CBLL1: variants seen among roughly 807,000 people sequenced by gnomAD.
CBLL1 encodes Cbl proto-oncogene like 1.
A neutral mutation model predicts 44.9 loss-of-function variants in CBLL1; 4 were observed. That is an observed-to-expected ratio of 0.09 (90% CI 0.04 to 0.20). The LOEUF (loss-of-function observed/expected upper bound fraction) is 0.20. CBLL1 is among the 10% of genes least tolerant of loss of function. The probability of loss-of-function intolerance (pLI) is 1.00; values close to 1 mark genes in which losing one functional copy is unlikely to be tolerated. For missense variants in CBLL1, 569 were observed against 636.7 expected (o/e 0.89, Z 1.14); for synonymous variants, 235 against 202.2 (o/e 1.16, Z -1.38).
At position 107,754,025 on chromosome 7, in the gene CBLL1, G is replaced by A. The variant is rs749156660; in HGVS notation, c.366+47G>A. 2.1e-5 allele frequency: 26 copies of A among 1,229,576 alleles called. No homozygotes were observed. The East Asian group carries it at 6.3e-4, about 30-fold the overall frequency. 76.2% of individuals were successfully genotyped at this position (1,229,576 alleles called of 1,614,324 possible). A position where few individuals can be genotyped will look rare whatever the true frequency, so the allele number is the denominator to read the frequency against. On this transcript the variant is annotated intron_variant, in intron 4 of 5. Coordinates refer to ENST00000440859, the MANE Select transcript of CBLL1 (RefSeq NM_024814.4). ...TTTTGTAAGTAAGCATTTGCATAGA[G>A]GTGGGGTTCTGAAATTTAGATAGGT...
Position 107,759,449 on chromosome 7 carries a change from T to C in CBLL1, c.*271T>C. ...TAGTAAATTGACCCAGAGGTGACCA[T>C]TTGTAAAAAATTTGAAAAAATTTTT... is the stretch of plus-strand genomic sequence containing the variant. On this transcript the variant is annotated 3_prime_UTR_variant, in exon 6 of 6. Coordinates refer to ENST00000440859, the MANE Select transcript of CBLL1 (RefSeq NM_024814.4). 1 of 304,440 alleles carries C rather than the reference T, an allele frequency of 3.3e-6. No homozygotes were observed. Among genetic ancestry groups the C allele is most frequent in the Non-Finnish European group, 6.0e-6 (1 of 165,580 alleles). 18.9% of individuals were successfully genotyped at this position (304,440 alleles called of 1,614,324 possible).
At chr7:107,753,823 G>T in intron 3 of CBLL1, 72 bp from the exon 4 acceptor site, 1 of 927,960 alleles carries the variant, frequency 1.1e-6, no homozygotes, top group South Asian at 1.9e-5. Flanking sequence ...ATAAAATATT[G>T]ACCAATTCAT....
At chr7:107,754,003 TGTAA>T (rs1229757111) in intron 4 of CBLL1, 25 bp downstream of exon 4, 1 of 1,446,548 alleles carries the variant, frequency 6.9e-7, no homozygotes, top group African/African-American at 1.4e-5. Flanking sequence ...ATATTGTTTT[TGTAA>T]GTAAGCATTT....
intron 2 of CBLL1, among the ~76,000 whole-genome samples, chr7:107,750,927 G>A (rs1359131489): frequency 6.6e-6 from 1 of 151,238 alleles, no homozygotes; most frequent in Non-Finnish European, 1.5e-5. Flanking sequence ...AAAGTTCACT[G>A]ATACTGCTTT....
chr7:107,746,374 G>A (rs368808063), intron 1 of CBLL1, among the ~76,000 whole-genome samples: 392 of 151,862 alleles, frequency 2.6e-3, no homozygotes, highest in African/African-American at 8.8e-3. Flanking sequence ...CCTCTCAGAT[G>A]TCCCTTCTGC....
At chr7:107,748,148 CA>C (rs753605081) in intron 1 of CBLL1, among the ~76,000 whole-genome samples, 1 of 152,106 alleles carries the variant, frequency 6.6e-6, no homozygotes, top group Non-Finnish European at 1.5e-5. Flanking sequence ...GCAAAGACTC[CA>C]GGGACTAGAA....
rs1793675841 is a variant in CBLL1, at chr7:107,759,396, A to G, written c.*218A>G. 9.6e-6 allele frequency: 4 copies of G among 415,136 alleles called. No individual in the cohort carries two copies. Among genetic ancestry groups the G allele is most frequent in the Middle Eastern group, 6.2e-4 (1 of 1,622 alleles). 25.7% of individuals were successfully genotyped at this position (415,136 alleles called of 1,614,324 possible). A position where few individuals can be genotyped will look rare whatever the true frequency, so the allele number is the denominator to read the frequency against. ...AAGTGGCTCAGTTGAGCACAGCTAT[A>G]TTTTAACATCTCTTTGTTCCCCTAG... On this transcript the variant is annotated 3_prime_UTR_variant, in exon 6 of 6. Coordinates refer to ENST00000440859, the MANE Select transcript of CBLL1 (RefSeq NM_024814.4).
chr7:107,752,068 G>A (rs1584379294), intron 2 of CBLL1, among the ~76,000 whole-genome samples: 1 of 151,846 alleles, frequency 6.6e-6, no homozygotes, highest in African/African-American at 2.4e-5. Context: ...GTGTGGTGGC[G>A]GGTGCCTGTA....
At chr7:107,752,946 T>G (rs1323694197) in intron 2 of CBLL1, among the ~76,000 whole-genome samples, 2 of 152,202 alleles carry the variant, frequency 1.3e-5, no homozygotes, top group Non-Finnish European at 2.9e-5. Context: ...GATAGAATGC[T>G]TTATGTTTTC....
rs1245636128 is a variant in CBLL1 at position 107,749,055 on chromosome 7, G to T, written c.181+8G>T. 6.2e-6 allele frequency: 10 copies of T among 1,613,250 alleles called. No homozygotes were observed. The highest frequency in any genetic ancestry group is 3.3e-5 in the Admixed American group (2 of 59,888). Reference sequence around the variant, plus strand: ...CTCCACCTGGTGATGAAGGTAATTTGTTTAACTAATAGGTCCAACACTCTT... The same window carrying T: ...CTCCACCTGGTGATGAAGGTAATTTTTTTAACTAATAGGTCCAACACTCTT... On this transcript the variant is annotated splice_region_variant and intron_variant, in intron 2 of 5. Coordinates refer to ENST00000440859, the MANE Select transcript of CBLL1 (RefSeq NM_024814.4).
At chr7:107,745,687 G>A (rs1584369445) in intron 1 of CBLL1, among the ~76,000 whole-genome samples, 1 of 152,190 alleles carries the variant, frequency 6.6e-6, no homozygotes, top group East Asian at 1.9e-4. Flanking sequence ...TTGGTTTGGT[G>A]AAAATGAAGG....
intron 1 of CBLL1, 26 bp from the exon 2 acceptor site, chr7:107,748,854 A>G (rs1422879695): frequency 1.3e-6 from 2 of 1,551,762 alleles, no homozygotes; most frequent in East Asian, 4.6e-5. Context: ...ACTAAAAGAA[A>G]TTACAACTTT....
intron 2 of CBLL1, among the ~76,000 whole-genome samples, chr7:107,750,553 A>G (rs1046213346): frequency 4.6e-5 from 7 of 151,584 alleles, no homozygotes; most frequent in East Asian, 3.9e-4. Context: ...ATCCGCCCGC[A>G]TCGGCCTCCC....
chr7:107,748,821 C>A, intron 1 of CBLL1, 59 bp from the exon 2 acceptor site: 2 of 1,445,960 alleles, frequency 1.4e-6, no homozygotes, highest in African/African-American at 1.4e-5. Context: ...ATACCTGTGG[C>A]AGAATAATCT....
In CBLL1 at chr7:107,758,816, G is replaced by A. The variant is rs1462046057; in HGVS notation, c.1114G>A (p.Ala372Thr). The A allele has an allele frequency of 1.2e-6, 2 of 1,613,536 alleles. No individual in the cohort carries two copies. The highest frequency in any genetic ancestry group is 2.2e-5 in the East Asian group (1 of 44,882). The change falls in exon 6 of 6, where the codon GCT becomes ACT. Residue 372 changes from alanine to threonine, a missense_variant. This residue lies in a region of CBLL1 where 228 missense variants were observed against 253.2 expected (regional missense o/e 0.90). Coordinates refer to ENST00000440859, the MANE Select transcript of CBLL1 (RefSeq NM_024814.4). This position sits in a 1 kb window ranked among gnomAD's most constrained non-coding sequence, Gnocchi z 4.2. The stretch of plus-strand genomic sequence containing the variant: ...TACTCCTCACTTGGTATATAGCCAA[G>A]CTCCACCTCCACCAATGACCTCTGC... ...AGTPHLVYSQ[A>T]PPPPMTSAPP...
intron 3 of CBLL1, 120 bp downstream of exon 3, chr7:107,753,631 A>AT: frequency 1.7e-6 from 1 of 591,620 alleles, no homozygotes. Flanking sequence ...TATAACTATG[A>AT]TTTTCAGCAC....
At chr7:107,744,496 C>T (rs1036403844) in intron 1 of CBLL1, 3 of 376,688 alleles carry the variant, frequency 8.0e-6, no homozygotes, top group Non-Finnish European at 1.4e-5. Context: ...CCCAGCTGCT[C>T]TGGCCTACGT....
intron 2 of CBLL1, among the ~76,000 whole-genome samples, chr7:107,749,645 C>T (rs747258226): frequency 8.2e-5 from 12 of 145,552 alleles, no homozygotes; most frequent in Non-Finnish European, 1.2e-4. Context: ...TTGTCAAACT[C>T]TAAAATCCAC....
intron 2 of CBLL1, among the ~76,000 whole-genome samples, chr7:107,749,757 C>T (rs1793192054): frequency 6.6e-6 from 1 of 151,398 alleles, no homozygotes; most frequent in Non-Finnish European, 1.5e-5. Context: ...TGCCATACAC[C>T]AATACTGAGT....
Sources: allele counts gnomAD v4.1 joint callset (sites outside exome capture counted in the v4.1 genomes callset), GRCh38; gene constraint gnomAD v4.1.1; regional missense constraint gnomAD v4.1.1; non-coding constraint Gnocchi (gnomAD v3.1); transcripts MANE v1.5; gene names NCBI Gene and HGNC (gene_info 2026-07-23, HGNC 2026-07-21).